HUNK: variants seen among roughly 807,000 people sequenced by gnomAD.
The protein encoded by HUNK is hormonally up-regulated neu tumor-associated kinase.
HUNK carries 21 observed loss-of-function variants against 61.0 expected under a neutral mutation model. That is an observed-to-expected ratio of 0.34 (90% CI 0.24 to 0.50). The LOEUF (loss-of-function observed/expected upper bound fraction) is 0.50. Ranked by LOEUF, HUNK falls within the 20% of genes least tolerant of loss-of-function variation. The probability of loss-of-function intolerance (pLI) is 0.98; values close to 1 mark genes in which losing one functional copy is unlikely to be tolerated. For missense variants in HUNK, 772 were observed against 945.7 expected (o/e 0.82, Z 2.41); for synonymous variants, 371 against 386.1 (o/e 0.96, Z 0.46).
chr21:31,912,715 G>T (rs971813321), intron 1 of HUNK, among the ~76,000 whole-genome samples: 1 of 152,056 alleles, frequency 6.6e-6, no homozygotes, highest in African/African-American at 2.4e-5. Flanking sequence ...CTAAGTTTTT[G>T]TATTTGTTTG....
At position 31,879,096 on chromosome 21, in the gene HUNK, G is replaced by A. The variant is rs190347834; in HGVS notation, c.261+5161G>A. Among the ~76,000 whole-genome samples, 417 of 152,306 alleles carry A rather than the reference G, an allele frequency of 2.7e-3. 2 individuals carry two copies. The highest frequency in any genetic ancestry group is 3.9e-3 in the Admixed American group (60 of 15,294). ...GGAGTGAAGGAGTTACTAAAAATACGATTTACTATGTTTTGCAGAGCAAGA... is the reference window on the plus strand; with the variant it reads ...GGAGTGAAGGAGTTACTAAAAATACAATTTACTATGTTTTGCAGAGCAAGA... On this transcript the variant is annotated intron_variant, in intron 1 of 10. Transcript: ENST00000270112.
chr21:31,983,176 T>C (rs953980392), intron 7 of HUNK, among the ~76,000 whole-genome samples: 2 of 152,242 alleles, frequency 1.3e-5, no homozygotes, highest in Non-Finnish European at 2.9e-5. Flanking sequence ...TAAGTTATTC[T>C]TTCCAGCTCA....
intron 1 of HUNK, among the ~76,000 whole-genome samples, chr21:31,880,559 C>G (rs758424190): frequency 9.9e-5 from 15 of 152,188 alleles, no homozygotes; most frequent in Non-Finnish European, 1.9e-4. Flanking sequence ...CTCTGAGTGT[C>G]TCTTCTGTCT....
chr21:31,880,782 G>T (rs1220131187), intron 1 of HUNK, among the ~76,000 whole-genome samples: 1 of 152,194 alleles, frequency 6.6e-6, no homozygotes, highest in Non-Finnish European at 1.5e-5. Context: ...GTATTGGGTT[G>T]TGGCAAGCGG....
intron 6 of HUNK, among the ~76,000 whole-genome samples, chr21:31,969,041 G>A (rs2052991366): frequency 1.3e-5 from 2 of 151,962 alleles, no homozygotes; most frequent in South Asian, 4.2e-4. Flanking sequence ...ACCACACCAG[G>A]CTAATTTTGT....
chr21:31,897,055 G>A (rs2052429901), intron 1 of HUNK, among the ~76,000 whole-genome samples: 1 of 152,152 alleles, frequency 6.6e-6, no homozygotes, highest in African/African-American at 2.4e-5. Context: ...GACAAGCCTG[G>A]GCAACATGGG....
At chr21:31,875,284 A>C (rs2052252365) in intron 1 of HUNK, among the ~76,000 whole-genome samples, 1 of 150,872 alleles carries the variant, frequency 6.6e-6, no homozygotes. Flanking sequence ...TTCCCTCCCC[A>C]CCCCATTTCC....
At chr21:31,948,349 C>G (rs1008024496) in intron 4 of HUNK, among the ~76,000 whole-genome samples, 1 of 152,234 alleles carries the variant, frequency 6.6e-6, no homozygotes, top group Non-Finnish European at 1.5e-5. Context: ...TTCCTTCGGC[C>G]TGGAACCCTC....
At chr21:31,896,981 A>G (rs2052429351) in intron 1 of HUNK, among the ~76,000 whole-genome samples, 1 of 152,208 alleles carries the variant, frequency 6.6e-6, no homozygotes, top group African/African-American at 2.4e-5. Flanking sequence ...GCGGTGGCTC[A>G]CACCTGTAAT....
chr21:31,931,764 C>A (rs2052698118), intron 2 of HUNK, among the ~76,000 whole-genome samples: 1 of 152,160 alleles, frequency 6.6e-6, no homozygotes, highest in Non-Finnish European at 1.5e-5. Flanking sequence ...TTGGACTCAA[C>A]CCTGAGCGGC....
chr21:31,983,296 G>A (rs1160166154), intron 7 of HUNK, among the ~76,000 whole-genome samples: 1 of 152,098 alleles, frequency 6.6e-6, no homozygotes, highest in Non-Finnish European at 1.5e-5. Context: ...CCCTTTACTG[G>A]CAGCGATAGT....
intron 1 of HUNK, among the ~76,000 whole-genome samples, chr21:31,891,836 A>G (rs1431382775): frequency 6.6e-6 from 1 of 152,202 alleles, no homozygotes. Flanking sequence ...TAAGTAAACT[A>G]GAGGGCTTGT....
intron 4 of HUNK, among the ~76,000 whole-genome samples, chr21:31,952,172 T>C (rs1425126698): frequency 6.6e-6 from 1 of 151,824 alleles, no homozygotes; most frequent in East Asian, 1.9e-4. Flanking sequence ...TCTGAGATTT[T>C]CCAAATGGAT....
chr21:31,935,892 C>T (rs1329003832), intron 2 of HUNK, among the ~76,000 whole-genome samples: 1 of 152,100 alleles, frequency 6.6e-6, no homozygotes, highest in Non-Finnish European at 1.5e-5. Context: ...AATTTTGGCT[C>T]ACTGCAACCT....
At chr21:31,991,879 C>T (rs1249963699) in intron 9 of HUNK, among the ~76,000 whole-genome samples, 3 of 152,220 alleles carry the variant, frequency 2.0e-5, no homozygotes, top group African/African-American at 4.8e-5. Flanking sequence ...AGCAAGCATC[C>T]GTCCCTGTTA....
At chr21:31,874,037 G>A in intron 1 of HUNK, 102 bp downstream of exon 1, 1 of 890,072 alleles carries the variant, frequency 1.1e-6, no homozygotes. Flanking sequence ...TGCAGTCCCG[G>A]GCCAAGCGCC....
chr21:31,958,555 G>C (rs1207594552), intron 4 of HUNK, among the ~76,000 whole-genome samples: 1 of 152,056 alleles, frequency 6.6e-6, no homozygotes, highest in African/African-American at 2.4e-5. Flanking sequence ...GGTCCAGGCT[G>C]ATGAGGCAGA....
intron 1 of HUNK, among the ~76,000 whole-genome samples, chr21:31,909,087 C>T (rs184444459): frequency 6.6e-6 from 1 of 152,314 alleles, no homozygotes; most frequent in Non-Finnish European, 1.5e-5. Context: ...GTGGGCAGCA[C>T]TCCGGAGGGA....
At chr21:31,970,662 C>G (rs773196777) in intron 6 of HUNK, among the ~76,000 whole-genome samples, 7 of 152,188 alleles carry the variant, frequency 4.6e-5, no homozygotes, top group Admixed American at 2.6e-4. Context: ...AATCAATCCA[C>G]TCAATGCGGC....
Sources: allele counts gnomAD v4.1 joint callset (sites outside exome capture counted in the v4.1 genomes callset), GRCh38; gene constraint gnomAD v4.1.1; transcripts MANE v1.5; gene names NCBI Gene and HGNC (gene_info 2026-07-23, HGNC 2026-07-21).